Variants in SSH2 observed in about 807,000 individuals in gnomAD.
SSH2 encodes protein phosphatase Slingshot homolog 2.
Under a neutral mutation model 135.2 loss-of-function variants are expected in SSH2, and 37 were observed. The observed-to-expected ratio is 0.27, with a 90% CI of 0.21 to 0.36. The LOEUF (loss-of-function observed/expected upper bound fraction) is 0.36, where lower values mean the gene tolerates loss of function less well. Ranked by LOEUF, SSH2 falls within the 10% of genes least tolerant of loss-of-function variation. The pLI is 1.00. For synonymous variants in SSH2, 628 were observed against 646.2 expected (o/e 0.97, Z 0.43); for missense variants, 1,408 against 1,765.3 (o/e 0.80, Z 3.63).
intron 5 of SSH2, among the ~76,000 whole-genome samples, chr17:29,689,348 A>G (rs2038367411): frequency 6.6e-6 from 1 of 152,194 alleles, no homozygotes; most frequent in Non-Finnish European, 1.5e-5. Flanking sequence ...TAAAATGGCA[A>G]TTTTGTACAT....
intron 13 of SSH2, among the ~76,000 whole-genome samples, chr17:29,649,564 A>AT (rs905349059): frequency 1.3e-4 from 19 of 151,544 alleles, no homozygotes; most frequent in East Asian, 9.7e-4. Flanking sequence ...TTAAAAAAAA[A>AT]TTTTTTTTTG....
chr17:29,756,664 T>G (rs1204470571), intron 3 of SSH2, among the ~76,000 whole-genome samples: 1 of 150,186 alleles, frequency 6.7e-6, no homozygotes, highest in Non-Finnish European at 1.5e-5. Flanking sequence ...TTTTGTTTTG[T>G]TTTTTTTTGA....
intron 3 of SSH2, among the ~76,000 whole-genome samples, chr17:29,742,695 CATG>C (rs1377325656): frequency 6.6e-6 from 1 of 151,754 alleles, no homozygotes; most frequent in Non-Finnish European, 1.5e-5. Context: ...AGTGCAGTGC[CATG>C]ATCTCAGCTC....
chr17:29,706,903 C>T (rs2039223421), intron 3 of SSH2, among the ~76,000 whole-genome samples: 1 of 152,136 alleles, frequency 6.6e-6, no homozygotes, highest in African/African-American at 2.4e-5. Context: ...CTTGTAATCC[C>T]AGCACTTTGG....
intron 3 of SSH2, among the ~76,000 whole-genome samples, chr17:29,793,390 A>G (rs1386988968): frequency 6.6e-6 from 1 of 152,204 alleles, no homozygotes; most frequent in Non-Finnish European, 1.5e-5. Flanking sequence ...ATCTGCAAGA[A>G]TTGCCAAAAT....
At chr17:29,860,428 C>G (rs1228585912) in intron 1 of SSH2, among the ~76,000 whole-genome samples, 1 of 145,742 alleles carries the variant, frequency 6.9e-6, no homozygotes, top group African/African-American at 2.5e-5. Flanking sequence ...CTCTTCATGG[C>G]CTTTGCCCAC....
At chr17:29,676,611 C>T in intron 8 of SSH2, 1 of 489,874 alleles carries the variant, frequency 2.0e-6, no homozygotes, top group Non-Finnish European at 3.7e-6. Flanking sequence ...CTCTGAATTC[C>T]TCTGAATTTC....
At chr17:29,808,056 C>T (rs1453016756) in intron 2 of SSH2, among the ~76,000 whole-genome samples, 1 of 152,174 alleles carries the variant, frequency 6.6e-6, no homozygotes, top group South Asian at 2.1e-4. Context: ...TCAGTGCCTT[C>T]AAACTTGGAC....
intron 14 of SSH2, among the ~76,000 whole-genome samples, chr17:29,638,871 T>A (rs2036029726): frequency 1.3e-5 from 2 of 151,864 alleles, no homozygotes; most frequent in Admixed American, 1.3e-4. Context: ...ATTTTTGAAT[T>A]TAAAAAATGG....
chr17:29,803,242 T>C (rs1169554495), intron 2 of SSH2, among the ~76,000 whole-genome samples: 3 of 152,206 alleles, frequency 2.0e-5, no homozygotes, highest in Admixed American at 2.0e-4. Context: ...CTTGGCTGGG[T>C]GATTCTTCAG....
intron 1 of SSH2, among the ~76,000 whole-genome samples, chr17:29,858,368 G>A (rs951858558): frequency 6.6e-6 from 1 of 152,174 alleles, no homozygotes; most frequent in East Asian, 1.9e-4. Context: ...CCTTCTGCAG[G>A]ATCTAGGGGA....
chr17:29,712,602 G>A (rs1208873256), intron 3 of SSH2, among the ~76,000 whole-genome samples: 2 of 152,128 alleles, frequency 1.3e-5, no homozygotes, highest in Admixed American at 6.5e-5. Context: ...TCAGGAGTTC[G>A]AGACCCGCCT....
At position 29,684,728 on chromosome 17, in the gene SSH2, T is replaced by C. The variant is rs112213759; in HGVS notation, c.358-44A>G. The stretch of plus-strand genomic sequence containing the variant: ...CAGAGAAATTATGAAATTTAGGACA[T>C]TAATTTCAGATCATTTCAACCCTTT... On this transcript the variant is annotated intron_variant, in intron 5 of 15. Coordinates refer to ENST00000540801, the MANE Select transcript of SSH2 (RefSeq NM_001282129.2). 75 of 1,582,792 alleles carry C rather than the reference T, an allele frequency of 4.7e-5. 1 individual carries two copies. Among genetic ancestry groups the C allele is most frequent in the African/African-American group, 3.8e-4 (28 of 74,028 alleles).
intron 3 of SSH2, among the ~76,000 whole-genome samples, chr17:29,727,656 T>C (rs2040047226): frequency 6.6e-6 from 1 of 152,200 alleles, no homozygotes; most frequent in South Asian, 2.1e-4. Context: ...ACTTTGCTTC[T>C]TACCTCTCTT....
intron 2 of SSH2, among the ~76,000 whole-genome samples, chr17:29,811,669 A>G (rs1482164895): frequency 6.6e-6 from 1 of 152,064 alleles, no homozygotes; most frequent in Non-Finnish European, 1.5e-5. Context: ...CCTGGGCTCA[A>G]GTGATCCTTC....
intron 3 of SSH2, among the ~76,000 whole-genome samples, chr17:29,720,456 A>G (rs1395038958): frequency 1.3e-5 from 2 of 152,240 alleles, no homozygotes; most frequent in Non-Finnish European, 1.5e-5. Context: ...AAAGTTCCTC[A>G]AAGTTACTAA....
intron 2 of SSH2, among the ~76,000 whole-genome samples, chr17:29,802,059 C>T (rs149011960): frequency 1.2e-3 from 180 of 152,260 alleles, no homozygotes; most frequent in African/African-American, 4.2e-3. Context: ...GATGAGGTCT[C>T]GCTATGTGCC....
At chr17:29,769,641 G>A (rs929780140) in intron 3 of SSH2, among the ~76,000 whole-genome samples, 1 of 152,082 alleles carries the variant, frequency 6.6e-6, no homozygotes, top group African/African-American at 2.4e-5. Context: ...CTTATTTGAT[G>A]TTTAAAATAA....
At chr17:29,813,497 G>T (rs1401017426) in intron 2 of SSH2, among the ~76,000 whole-genome samples, 2 of 151,628 alleles carry the variant, frequency 1.3e-5, no homozygotes. Context: ...TCCAAACAAG[G>T]ATGCTGTACT....
Sources: allele counts gnomAD v4.1 joint callset (sites outside exome capture counted in the v4.1 genomes callset), GRCh38; gene constraint gnomAD v4.1.1; transcripts MANE v1.5; gene names NCBI Gene and HGNC (gene_info 2026-07-23, HGNC 2026-07-21).